The following DYSF variants were observed in gnomAD, a reference collection of about 807,000 sequenced individuals.
DYSF encodes the protein dysferlin, also known as dystrophy-associated fer-1-like 1.
DYSF carries 212 observed loss-of-function variants against 274.9 expected under a neutral mutation model. The ratio of observed to expected loss-of-function variants is 0.77; its 90% CI spans 0.69 to 0.86. The LOEUF is 0.86. DYSF is among the 40% of genes least tolerant of loss of function. DYSF has a pLI of 0.00. For missense variants in DYSF, 2,666 were observed against 2,783.2 expected (o/e 0.96, Z 0.95); for synonymous variants, 1,091 against 1,078.7 (o/e 1.01, Z -0.22).
Position 71,682,578 on chromosome 2 carries a change from G to A in DYSF, c.6222G>A (p.Met2074Ile), listed in dbSNP as rs557683788. The A allele has an allele frequency of 1.2e-5, 19 of 1,614,032 alleles. No homozygotes were observed. Among genetic ancestry groups the A allele is most frequent in the Non-Finnish European group, 1.5e-5 (18 of 1,180,026 alleles). The part of the protein sequence containing the change: ...FLWFTSPYKT[M>I]KFILWRRFRW... The stretch of plus-strand genomic sequence containing the variant: ...GGTTTACCTCCCCATACAAGACCAT[G>A]AAGTTCATCCTGTGGCGGCGTTTCC... The change falls in exon 55 of 56, where the codon ATG (methionine) becomes ATA (isoleucine). Residue 2074 changes from methionine to isoleucine, a missense_variant. By Grantham distance (10) the Met-to-Ile change is conservative. This residue lies in a region of DYSF where 1,460 missense variants were observed against 1,502.1 expected (regional missense o/e 0.97). Coordinates refer to ENST00000410020, the MANE Select transcript of DYSF (RefSeq NM_001130987.2).
intron 36 of DYSF, among the ~76,000 whole-genome samples, chr2:71,610,326 A>G (rs2093727900): frequency 6.6e-6 from 1 of 152,254 alleles, no homozygotes; most frequent in African/African-American, 2.4e-5. Context: ...CCTAACCTTT[A>G]GAGGTTGACA....
chr2:71,638,696 G>T (rs1243314324), intron 41 of DYSF, among the ~76,000 whole-genome samples: 1 of 152,168 alleles, frequency 6.6e-6, no homozygotes, highest in African/African-American at 2.4e-5. Flanking sequence ...ATGTGCCAGT[G>T]TAAGGATATA....
At chr2:71,539,050 G>GC (rs1006145728) in intron 16 of DYSF, 107 bp from the exon 17 acceptor site, 39 of 955,216 alleles carry the variant, frequency 4.1e-5, no homozygotes, top group African/African-American at 2.1e-4. Context: ...CTCTCTGCCT[G>GC]CCCCCCGCCC....
At chr2:71,607,217 G>A (rs2152867925) in intron 36 of DYSF, among the ~76,000 whole-genome samples, 1 of 152,318 alleles carries the variant, frequency 6.6e-6, no homozygotes, top group East Asian at 1.9e-4. Context: ...AGGAGGAGTA[G>A]GGGTAGAAGT....
At chr2:71,677,309 A>G (rs768537284) in intron 52 of DYSF, among the ~76,000 whole-genome samples, 8 of 152,262 alleles carry the variant, frequency 5.3e-5, no homozygotes, top group South Asian at 2.1e-4. Context: ...AAATTGAAAC[A>G]CCTTTGCATG....
chr2:71,473,007 C>T (rs1226273168), intron 1 of DYSF, among the ~76,000 whole-genome samples: 1 of 152,204 alleles, frequency 6.6e-6, no homozygotes. Flanking sequence ...GACTACTCTT[C>T]TTGAAGTGCA....
rs17007086 is a variant in DYSF, at chr2:71,593,798, A to C, written c.3574+3510A>C. 7.6e-3 allele frequency among the ~76,000 whole-genome samples: 1,155 copies of C among 152,294 alleles called. 17 individuals carry two copies. Among genetic ancestry groups the C allele is most frequent in the African/African-American group, 0.027 (1,107 of 41,582 alleles). On this transcript the variant is annotated intron_variant, in intron 32 of 55. Transcript: ENST00000410020. Reference sequence around the variant, plus strand: ...TGGAGGACCCTCAGGCAGCTCTATCATGAGGTCACCACGTTCCATTCCAAG... The same window carrying C: ...TGGAGGACCCTCAGGCAGCTCTATCCTGAGGTCACCACGTTCCATTCCAAG...
intron 14 of DYSF, among the ~76,000 whole-genome samples, chr2:71,534,542 G>A (rs2089100352): frequency 6.6e-6 from 1 of 152,148 alleles, no homozygotes; most frequent in African/African-American, 2.4e-5. Flanking sequence ...TTCACTCTCT[G>A]ACCTCTGTGC....
chr2:71,665,213 C>G lies in DYSF; in HGVS notation c.5226C>G (p.His1742Gln). The G allele has an allele frequency of 1.2e-6, 2 of 1,614,108 alleles. No individual in the cohort carries two copies. The highest frequency in any genetic ancestry group is 1.1e-5 in the South Asian group (1 of 91,086). Residue 1742 changes from histidine to glutamine, a missense_variant, in exon 47 of 56, where the codon CAC (histidine) becomes CAG (glutamine). His to Gln is a conservative substitution (Grantham distance 24). Coordinates refer to ENST00000410020, the MANE Select transcript of DYSF (RefSeq NM_001130987.2). Reference protein sequence around the residue: ...RDQLRPSQLLHLFCQQHRVKA... With the variant: ...RDQLRPSQLLQLFCQQHRVKA... ...AGCTCCGCCCCTCCCAGCTCCTCCA[C>G]CTCTTCTGCCAGCAGCATAGAGTCA...
intron 32 of DYSF, among the ~76,000 whole-genome samples, chr2:71,597,268 C>T (rs1394987884): frequency 2.6e-5 from 4 of 152,166 alleles, no homozygotes; most frequent in African/African-American, 4.8e-5. Flanking sequence ...CTGTGGGGCT[C>T]AGAGGGCACA....
intron 17 of DYSF, among the ~76,000 whole-genome samples, chr2:71,547,500 T>C: frequency 6.6e-6 from 1 of 151,902 alleles, no homozygotes; most frequent in East Asian, 1.9e-4. Context: ...ATACAAGAAA[T>C]AGGTGGTGGT....
chr2:71,592,656 G>T (rs533383883), intron 32 of DYSF, among the ~76,000 whole-genome samples: 1 of 152,232 alleles, frequency 6.6e-6, no homozygotes, highest in East Asian at 1.9e-4. Flanking sequence ...TCTGTCACTG[G>T]TGCAGCTTCC....
intron 41 of DYSF, among the ~76,000 whole-genome samples, chr2:71,640,571 A>G (rs1251081000): frequency 6.6e-6 from 1 of 152,208 alleles, no homozygotes; most frequent in Admixed American, 6.5e-5. Flanking sequence ...ATAGTTTTCA[A>G]ATCTCTGCTG....
intron 45 of DYSF, among the ~76,000 whole-genome samples, chr2:71,662,330 A>G (rs912707065): frequency 1.3e-5 from 2 of 152,208 alleles, no homozygotes; most frequent in Non-Finnish European, 2.9e-5. Flanking sequence ...ACCCAGTCTC[A>G]GGCCATAACC....
chr2:71,520,720 G>A, intron 11 of DYSF, 69 bp from the exon 12 acceptor site: 1 of 1,378,236 alleles, frequency 7.3e-7, no homozygotes, highest in South Asian at 1.2e-5. Flanking sequence ...TCCATCCTGG[G>A]TTCCCGGATG....
intron 51 of DYSF, 122 bp from the exon 52 acceptor site, chr2:71,674,075 C>T: frequency 4.8e-6 from 4 of 835,450 alleles, no homozygotes; most frequent in South Asian, 2.9e-5. Flanking sequence ...CTGGCTCTGG[C>T]AGGTCCCTTG....
At chr2:71,465,533 G>C (rs2081478695), upstream of DYSF, among the ~76,000 whole-genome samples, 1 of 152,206 alleles carries the variant, frequency 6.6e-6, no homozygotes. Flanking sequence ...CACCACTCAG[G>C]CCGGCTGTGT....
chr2:71,590,815 C>G (rs981414810), intron 32 of DYSF, among the ~76,000 whole-genome samples: 11 of 152,198 alleles, frequency 7.2e-5, no homozygotes, highest in Non-Finnish European at 1.6e-4. Flanking sequence ...GCTGGAAATT[C>G]TCAGTCACCC....
At chr2:71,677,495 T>C (rs2095240711) in intron 52 of DYSF, among the ~76,000 whole-genome samples, 1 of 152,152 alleles carries the variant, frequency 6.6e-6, no homozygotes, top group Non-Finnish European at 1.5e-5. Flanking sequence ...TACAAGAATT[T>C]TCATATGGTT....
Sources: allele counts gnomAD v4.1 joint callset (sites outside exome capture counted in the v4.1 genomes callset), GRCh38; gene constraint gnomAD v4.1.1; regional missense constraint gnomAD v4.1.1; transcripts MANE v1.5; gene names NCBI Gene and HGNC (gene_info 2026-07-23, HGNC 2026-07-21).